NKAIN3: variants seen among roughly 807,000 people sequenced by gnomAD.
NKAIN3 encodes sodium/potassium-transporting ATPase subunit beta-1-interacting protein 3.
In NKAIN3, 25 loss-of-function variants were observed where a neutral mutation model predicts 30.2. The ratio of observed to expected loss-of-function variants is 0.83; its 90% CI spans 0.60 to 1.16. NKAIN3 has a LOEUF of 1.16. Ranked by LOEUF, NKAIN3 falls within the 50% of genes most tolerant of loss-of-function variation. NKAIN3 has a pLI of 0.00. For missense variants in NKAIN3, 225 were observed against 254.1 expected (o/e 0.89, Z 0.78); for synonymous variants, 91 against 89.6 (o/e 1.02, Z -0.09).
intron 4 of NKAIN3, among the ~76,000 whole-genome samples, chr8:62,799,037 G>A (rs937866592): frequency 6.6e-6 from 1 of 152,086 alleles, no homozygotes; most frequent in South Asian, 2.1e-4. Context: ...GCACATGAGG[G>A]CCTGCTTTGA....
At chr8:62,428,894 A>G (rs1015772743) in intron 1 of NKAIN3, among the ~76,000 whole-genome samples, 1 of 151,836 alleles carries the variant, frequency 6.6e-6, no homozygotes, top group Non-Finnish European at 1.5e-5. Context: ...ACAGAAAAAA[A>G]TATTTGCCCA....
At position 62,693,408 on chromosome 8, in the gene NKAIN3, A is replaced by G. The variant is rs114413625; in HGVS notation, c.274-53524A>G. Among the ~76,000 whole-genome samples, 840 of 152,320 alleles carry G rather than the reference A, an allele frequency of 5.5e-3. 7 individuals are homozygous for G. The highest frequency in any genetic ancestry group is 0.019 in the African/African-American group (782 of 41,572). ...GTAACTTTTGACCTTTTTATGCACT[A>G]GACCCAGAAATCTTGTTTTCATGTG... is the stretch of plus-strand genomic sequence containing the variant. On this transcript the variant is annotated intron_variant, in intron 3 of 6. Transcript: ENST00000623646.
intron 1 of NKAIN3, among the ~76,000 whole-genome samples, chr8:62,553,727 A>G (rs892922128): frequency 3.9e-4 from 59 of 151,768 alleles, no homozygotes; most frequent in Non-Finnish European, 6.0e-4. Flanking sequence ...TACTGGAGAC[A>G]GGGTTTCACT....
chr8:62,867,643 A>C (rs1820469262), intron 4 of NKAIN3, among the ~76,000 whole-genome samples: 1 of 152,232 alleles, frequency 6.6e-6, no homozygotes, highest in African/African-American at 2.4e-5. Context: ...GTCAACTCAG[A>C]GGATGGGAAT....
chr8:62,571,820 C>A (rs1439897890), intron 1 of NKAIN3, among the ~76,000 whole-genome samples: 1 of 152,130 alleles, frequency 6.6e-6, no homozygotes, highest in African/African-American at 2.4e-5. Context: ...TACACCATAG[C>A]TGAAACATCT....
chr8:62,270,460 A>G (rs1223993544), intron 1 of NKAIN3, among the ~76,000 whole-genome samples: 1 of 152,138 alleles, frequency 6.6e-6, no homozygotes, highest in African/African-American at 2.4e-5. Flanking sequence ...TTTAAAAATT[A>G]TAGTTGTATA....
intron 4 of NKAIN3, among the ~76,000 whole-genome samples, chr8:62,814,792 A>G (rs1220765842): frequency 6.6e-6 from 1 of 152,116 alleles, no homozygotes; most frequent in African/African-American, 2.4e-5. Flanking sequence ...AAGATCCAAA[A>G]TTGACACCCT....
At chr8:62,742,405 G>A (rs1394868919) in intron 3 of NKAIN3, among the ~76,000 whole-genome samples, 2 of 152,156 alleles carry the variant, frequency 1.3e-5, no homozygotes, top group African/African-American at 2.4e-5. Flanking sequence ...GGACATCATT[G>A]TAAATTTATG....
chr8:62,434,275 T>C (rs1459275219), intron 1 of NKAIN3, among the ~76,000 whole-genome samples: 2 of 152,174 alleles, frequency 1.3e-5, no homozygotes, highest in Non-Finnish European at 2.9e-5. Flanking sequence ...TAGACACTGC[T>C]GCCATCACTA....
At position 62,979,275 on chromosome 8, in the gene NKAIN3, C is replaced by G. The variant is rs1824021826; in HGVS notation, c.*13868C>G. The stretch of plus-strand genomic sequence containing the variant: ...AGACAAGGAGACAGAGACAGTGAAA[C>G]AGAAACAGAGTCATCTTCCAGGTTC... On this transcript the variant is annotated 3_prime_UTR_variant, in exon 7 of 7. Transcript: ENST00000623646. 1 of 152,128 alleles carries G rather than the reference C, an allele frequency of 6.6e-6. No homozygotes were observed. The highest frequency in any genetic ancestry group is 1.5e-5 in the Non-Finnish European group (1 of 68,056). The allele number at this position is 152,128 out of a possible 1,614,324, so 9.4% of individuals were successfully genotyped here.
rs58784999 is a variant in NKAIN3 at position 62,364,828 on chromosome 8, C to CAAAAAAAAAAAAAAAAA, written c.54+115708_54+115724dup. Among the ~76,000 whole-genome samples, 7 of 63,764 alleles carry CAAAAAAAAAAAAAAAAA rather than the reference C, an allele frequency of 1.1e-4. 1 individual carries two copies. The highest frequency in any genetic ancestry group is 8.9e-4 in the South Asian group (1 of 1,126). The allele number at this position is 63,764 out of a possible 152,430, so 41.8% of individuals were successfully genotyped here. ...TGTGTGACAGAGCGAGACTCCACTA[C>CAAAAAAAAAAAAAAAAA]AAAAAAAAAAAAAAAAAAAAAAATC... On this transcript the variant is annotated intron_variant, in intron 1 of 6. Coordinates refer to ENST00000623646, the MANE Select transcript of NKAIN3 (RefSeq NM_001304533.3).
intron 1 of NKAIN3, chr8:62,474,334 G>C (rs755299271): frequency 6.6e-6 from 1 of 152,212 alleles, no homozygotes; most frequent in Non-Finnish European, 1.5e-5. Context: ...AGGGAGCACA[G>C]GGAAGCCAGC....
chr8:62,846,372 G>T (rs62510765), intron 4 of NKAIN3, among the ~76,000 whole-genome samples: 12,475 of 152,102 alleles, frequency 0.082, 564 homozygotes, highest in South Asian at 0.14. Context: ...GTGCAGGTTT[G>T]TTACATAGGT....
intron 1 of NKAIN3, among the ~76,000 whole-genome samples, chr8:62,363,034 C>T (rs1184868013): frequency 6.6e-6 from 1 of 152,136 alleles, no homozygotes; most frequent in East Asian, 1.9e-4. Context: ...AGTTAGGTTG[C>T]AGTTCATCCA....
At chr8:62,485,579 TTATTC>T (rs1806873437) in intron 1 of NKAIN3, among the ~76,000 whole-genome samples, 1 of 152,202 alleles carries the variant, frequency 6.6e-6, no homozygotes, top group African/African-American at 2.4e-5. Flanking sequence ...AGTTTGGACT[TTATTC>T]TATAAGACTG....
At chr8:62,280,105 G>T (rs1309121499) in intron 1 of NKAIN3, among the ~76,000 whole-genome samples, 1 of 152,114 alleles carries the variant, frequency 6.6e-6, no homozygotes, top group Non-Finnish European at 1.5e-5. Context: ...TTGTAGGTTG[G>T]ATTCCTAGGT....
At chr8:62,575,588 A>G (rs906541706) in intron 1 of NKAIN3, among the ~76,000 whole-genome samples, 5 of 152,240 alleles carry the variant, frequency 3.3e-5, no homozygotes, top group South Asian at 4.1e-4. Context: ...TACCAATGAC[A>G]TGCTTCACAG....
intron 4 of NKAIN3, among the ~76,000 whole-genome samples, chr8:62,864,430 G>C (rs1820358688): frequency 6.6e-6 from 1 of 152,160 alleles, no homozygotes; most frequent in East Asian, 1.9e-4. Context: ...ATTCTTACTG[G>C]AGCAGCAACT....
intron 1 of NKAIN3, among the ~76,000 whole-genome samples, chr8:62,270,046 T>A (rs1039492193): frequency 2.1e-4 from 32 of 152,070 alleles, no homozygotes; most frequent in Non-Finnish European, 4.4e-5. Context: ...ATTATTATTA[T>A]TTTATTTTTC....
Sources: gnomAD v4.1 joint callset for allele counts (sites outside exome capture counted in the v4.1 genomes callset) on GRCh38, gnomAD v4.1.1 for gene constraint, MANE v1.5 for transcripts, NCBI Gene and HGNC (gene_info 2026-07-23, HGNC 2026-07-21) for gene names.